KLRG1: variants seen among roughly 807,000 people sequenced by gnomAD.
The protein encoded by KLRG1 is killer cell lectin like receptor G1, also known as killer cell lectin-like receptor subfamily G member 1.
Under a neutral mutation model 21.8 loss-of-function variants are expected in KLRG1, and 16 were observed. The observed-to-expected ratio is 0.73, with a 90% confidence interval of 0.50 to 1.11. The LOEUF is 1.11. KLRG1 is among the 50% of genes most tolerant of loss of function. The pLI, the probability that KLRG1 is intolerant of heterozygous loss-of-function variation, is 0.00. For missense variants in KLRG1, 173 were observed against 218.3 expected, an observed-to-expected ratio of 0.79 and a Z score of 1.31; for synonymous variants, 69 against 75.9, an observed-to-expected ratio of 0.91 and a Z score of 0.47.
chr12:9,198,027 G>A, the KLRG1 span, among the ~76,000 whole-genome samples: 1 of 118,606 alleles, frequency 8.4e-6, no homozygotes, highest in Admixed American at 1.1e-4. Context: ...GTACAGTGCA[G>A]TCATATATAT....
chr12:9,101,147 C>T, the KLRG1 span: 1 of 1,559,312 alleles, frequency 6.4e-7, no homozygotes, highest in Non-Finnish European at 8.7e-7. Context: ...TACTCACTGT[C>T]TTCCTGCTTC....
chr12:9,186,672 TA>T, the KLRG1 span, among the ~76,000 whole-genome samples: 2 of 151,800 alleles, frequency 1.3e-5, no homozygotes, highest in East Asian at 3.9e-4. Context: ...TATGCAGCCA[TA>T]AAAAAGGATG....
At chr12:9,196,417 C>T in the KLRG1 span, 4 of 1,612,910 alleles carry the variant, frequency 2.5e-6, no homozygotes, top group Non-Finnish European at 2.5e-6. Context: ...TTTCACTGAT[C>T]CTGTTTGCAG....
At chr12:9,142,768 A>G in the KLRG1 span, among the ~76,000 whole-genome samples, 1 of 152,236 alleles carries the variant, frequency 6.6e-6, no homozygotes, top group South Asian at 2.1e-4. Flanking sequence ...AGGGCCTAAT[A>G]AACAAGTAAA....
chr12:9,160,873 T>C, the KLRG1 span, among the ~76,000 whole-genome samples: 5 of 150,366 alleles, frequency 3.3e-5, no homozygotes, highest in Admixed American at 2.0e-4. Flanking sequence ...CGAGATCACG[T>C]CACTGTACTC....
chr12:9,012,073 C>T (rs936353197), downstream of KLRG1, among the ~76,000 whole-genome samples: 1 of 152,150 alleles, frequency 6.6e-6, no homozygotes, highest in Non-Finnish European at 1.5e-5. Context: ...CTGGGCAAGT[C>T]CTGGTGCTAT....
chr12:9,041,604 C>T, the KLRG1 span, among the ~76,000 whole-genome samples: 1 of 152,154 alleles, frequency 6.6e-6, no homozygotes, highest in African/African-American at 2.4e-5. Context: ...CTTCTACTGT[C>T]TCTTGGCACA....
At chr12:8,986,737 C>T (rs1220492419), upstream of KLRG1, among the ~76,000 whole-genome samples, 1 of 152,048 alleles carries the variant, frequency 6.6e-6, no homozygotes, top group Non-Finnish European at 1.5e-5. Flanking sequence ...GCATCCCCAC[C>T]CAAATCTGAC....
At chr12:9,107,456 G>A in the KLRG1 span, 1 of 1,570,166 alleles carries the variant, frequency 6.4e-7, no homozygotes, top group Non-Finnish European at 8.7e-7. Context: ...TCAGAAAAAT[G>A]CTGCAACTCA....
chr12:9,124,619 G>C, the KLRG1 span, among the ~76,000 whole-genome samples: 1 of 152,212 alleles, frequency 6.6e-6, no homozygotes, highest in Non-Finnish European at 1.5e-5. Context: ...ACCCTCACAG[G>C]TGCAGGTCCA....
the KLRG1 span, among the ~76,000 whole-genome samples, chr12:9,121,585 C>T: frequency 5.4e-4 from 82 of 152,178 alleles, no homozygotes; most frequent in South Asian, 1.0e-3. The surrounding 1 kb of genome is among the most constrained non-coding windows in gnomAD (Gnocchi z 4.4). Context: ...AGAAAGAAAG[C>T]GTTTTATCTT....
At chr12:8,995,897 T>C (rs188185112) in intron 3 of KLRG1, among the ~76,000 whole-genome samples, 9 of 152,212 alleles carry the variant, frequency 5.9e-5, no homozygotes, top group Non-Finnish European at 1.3e-4. Context: ...TTAGCCAGGA[T>C]GGCCTTGATC....
At chr12:9,016,382 A>G in the KLRG1 span, among the ~76,000 whole-genome samples, 1 of 152,216 alleles carries the variant, frequency 6.6e-6, no homozygotes, top group African/African-American at 2.4e-5. Flanking sequence ...AAGCAACTAT[A>G]TGCCAATAAA....
chr12:9,129,842 C>G, the KLRG1 span, among the ~76,000 whole-genome samples: 1 of 152,232 alleles, frequency 6.6e-6, no homozygotes. Flanking sequence ...GCCACCGCGC[C>G]TGGTGAACCA....
chr12:9,200,827 A>C, the KLRG1 span: 1 of 1,503,480 alleles, frequency 6.7e-7, no homozygotes, highest in Non-Finnish European at 9.0e-7. Context: ...AATTCAAAGG[A>C]TCTAAGTGAG....
At chr12:9,021,258 C>A in the KLRG1 span, among the ~76,000 whole-genome samples, 177 of 152,120 alleles carry the variant, frequency 1.2e-3, 1 homozygote, top group Non-Finnish European at 2.2e-3. Context: ...ATGTAAAGGC[C>A]TAGGGCATTA....
the KLRG1 span, chr12:9,157,835 C>T: frequency 6.2e-7 from 1 of 1,613,038 alleles, no homozygotes; most frequent in South Asian, 1.1e-5. Flanking sequence ...TCATCTTCTA[C>T]ACCTCCCTGT....
At chr12:8,985,221 T>C (rs1165169293), upstream of KLRG1, among the ~76,000 whole-genome samples, 3 of 151,920 alleles carry the variant, frequency 2.0e-5, no homozygotes, top group African/African-American at 7.3e-5. Flanking sequence ...TGGTCAGATA[T>C]TTAGTAGAGT....
At chr12:9,062,163 C>T in the KLRG1 span, among the ~76,000 whole-genome samples, 2 of 142,630 alleles carry the variant, frequency 1.4e-5, no homozygotes, top group African/African-American at 5.2e-5. Context: ...AAAAAATCAC[C>T]TGACACAATA....
Sources: allele counts gnomAD v4.1 joint callset (sites outside exome capture counted in the v4.1 genomes callset), GRCh38; gene constraint gnomAD v4.1.1; non-coding constraint Gnocchi (gnomAD v3.1); transcripts MANE v1.5; gene names NCBI Gene and HGNC (gene_info 2026-07-23, HGNC 2026-07-21).